Variants in IGF1R observed in about 807,000 individuals in gnomAD.
The protein encoded by IGF1R is insulin-like growth factor 1 receptor.
A neutral mutation model predicts 144.6 loss-of-function variants in IGF1R; 44 were observed. The ratio of observed to expected loss-of-function variants is 0.30; its 90% CI spans 0.24 to 0.39. The LOEUF (loss-of-function observed/expected upper bound fraction) is 0.39. Among genes scored for constraint, IGF1R ranks in the 10% least tolerant of loss-of-function variants. The probability of loss-of-function intolerance (pLI) is 1.00; values close to 1 mark genes in which losing one functional copy is unlikely to be tolerated. For synonymous variants in IGF1R, 795 were observed against 722.8 expected, an observed-to-expected ratio of 1.10 and a Z score of -1.60; for missense variants, 1,355 against 1,833.7, an observed-to-expected ratio of 0.74 and a Z score of 4.77.
At chr15:98,733,316 G>T (rs2054537390) in intron 2 of IGF1R, among the ~76,000 whole-genome samples, 3 of 152,060 alleles carry the variant, frequency 2.0e-5, no homozygotes, top group Admixed American at 2.0e-4. Context: ...CTGCCTCTGG[G>T]CTCAAGTGAT....
intron 1 of IGF1R, among the ~76,000 whole-genome samples, chr15:98,675,203 G>C (rs1479869099): frequency 6.6e-6 from 1 of 151,988 alleles, no homozygotes; most frequent in Non-Finnish European, 1.5e-5. Context: ...TGGCCAGGCT[G>C]GTCTCAAACT....
chr15:98,810,891 C>T (rs1487427541), intron 2 of IGF1R, among the ~76,000 whole-genome samples: 1 of 152,030 alleles, frequency 6.6e-6, no homozygotes, highest in East Asian at 1.9e-4. Flanking sequence ...TGGCAAACTA[C>T]AGCCCATGCT....
intron 2 of IGF1R, among the ~76,000 whole-genome samples, chr15:98,874,148 T>C (rs1417216746): frequency 1.3e-5 from 2 of 152,122 alleles, no homozygotes; most frequent in Admixed American, 1.3e-4. Context: ...AAATGTATCT[T>C]TGGTGGCCCG....
intron 2 of IGF1R, among the ~76,000 whole-genome samples, chr15:98,816,259 T>G (rs1022076217): frequency 1.3e-5 from 2 of 152,204 alleles, no homozygotes; most frequent in Non-Finnish European, 2.9e-5. Context: ...TTCCCATCAA[T>G]AACTACAAGA....
chr15:98,651,580 ACAG>A (rs977239073), intron 1 of IGF1R, among the ~76,000 whole-genome samples: 4 of 152,232 alleles, frequency 2.6e-5, no homozygotes, highest in Admixed American at 6.5e-5. Flanking sequence ...GAAATTCAAA[ACAG>A]CAGGGATGGC....
chr15:98,701,821 T>C (rs2053740429), intron 1 of IGF1R, among the ~76,000 whole-genome samples: 1 of 152,202 alleles, frequency 6.6e-6, no homozygotes, highest in African/African-American at 2.4e-5. Context: ...AATAGATCAG[T>C]ATTTCCATTA....
At chr15:98,666,331 A>G (rs1353904429) in intron 1 of IGF1R, among the ~76,000 whole-genome samples, 2 of 152,080 alleles carry the variant, frequency 1.3e-5, no homozygotes, top group African/African-American at 2.4e-5. Context: ...TGCTTCCTCA[A>G]TAAATTCATC....
intron 10 of IGF1R, among the ~76,000 whole-genome samples, chr15:98,920,682 C>A (rs1347309195): frequency 6.6e-6 from 1 of 152,170 alleles, no homozygotes. Flanking sequence ...TACCCTTCCT[C>A]CCCCAGTATT....
chr15:98,922,506 G>A (rs551468795), intron 11 of IGF1R, 75 bp downstream of exon 11: 1 of 1,540,316 alleles, frequency 6.5e-7, no homozygotes, highest in African/African-American at 1.4e-5. Context: ...TATGGACACA[G>A]GGTCTGACAC....
intron 18 of IGF1R, among the ~76,000 whole-genome samples, chr15:98,941,618 T>C (rs1243402101): frequency 3.3e-5 from 5 of 152,344 alleles, no homozygotes; most frequent in African/African-American, 1.2e-4. Flanking sequence ...TCACACTTCA[T>C]TTTTATTCTT....
intron 2 of IGF1R, among the ~76,000 whole-genome samples, chr15:98,883,176 A>C (rs922970264): frequency 4.6e-5 from 7 of 152,238 alleles, no homozygotes; most frequent in African/African-American, 1.7e-4. Flanking sequence ...TTTAAGACAC[A>C]GCGCTTGCCA....
At chr15:98,715,175 C>G (rs2054085229) in intron 2 of IGF1R, among the ~76,000 whole-genome samples, 1 of 152,224 alleles carries the variant, frequency 6.6e-6, no homozygotes, top group Non-Finnish European at 1.5e-5. Flanking sequence ...ACATTCTCTT[C>G]TGCCTGATTG....
chr15:98,762,729 A>G (rs997472870), intron 2 of IGF1R, among the ~76,000 whole-genome samples: 1 of 152,058 alleles, frequency 6.6e-6, no homozygotes, highest in African/African-American at 2.4e-5. Context: ...TCTGTCTCCA[A>G]ACAAAACAAA....
intron 2 of IGF1R, among the ~76,000 whole-genome samples, chr15:98,751,606 T>C (rs1361368754): frequency 1.3e-5 from 2 of 152,192 alleles, no homozygotes; most frequent in Non-Finnish European, 2.9e-5. Flanking sequence ...TGCAGCAAAC[T>C]CTGTTGTACT....
chr15:98,796,248 A>C (rs1395140861), intron 2 of IGF1R, among the ~76,000 whole-genome samples: 2 of 152,086 alleles, frequency 1.3e-5, no homozygotes, highest in Non-Finnish European at 2.9e-5. Context: ...GAGGGTCCAG[A>C]AAGTAATACA....
intron 2 of IGF1R, among the ~76,000 whole-genome samples, chr15:98,776,474 C>G (rs940228691): frequency 6.6e-6 from 1 of 152,242 alleles, no homozygotes; most frequent in African/African-American, 2.4e-5. Flanking sequence ...GTGTGAGCCA[C>G]TGCGCCCAGC....
At chr15:98,839,920 G>GT (rs2011145685) in intron 2 of IGF1R, among the ~76,000 whole-genome samples, 1 of 152,180 alleles carries the variant, frequency 6.6e-6, no homozygotes, top group Non-Finnish European at 1.5e-5. Context: ...TAATTTGCCT[G>GT]TTGTCATTTT....
At position 98,957,605 on chromosome 15, in the gene IGF1R, A is replaced by T. The variant is rs1338963798; in HGVS notation, c.*163A>T. The T allele has an allele frequency of 1.2e-6, 1 of 802,128 alleles. No homozygotes were observed. Among genetic ancestry groups the T allele is most frequent in the Non-Finnish European group, 2.0e-6 (1 of 502,618 alleles). The allele number at this position is 802,128 out of a possible 1,614,324, so 49.7% of individuals were successfully genotyped here. A position where few individuals can be genotyped will look rare whatever the true frequency, so the allele number is the denominator to read the frequency against. On this transcript the variant is annotated 3_prime_UTR_variant, in exon 21 of 21. Coordinates refer to ENST00000650285, the MANE Select transcript of IGF1R (RefSeq NM_000875.5). ...GGAGACAGCTTCTCTGCAGTAAAACACATTTGGGATGTTCCTTTTTTCAAT... is the reference window on the plus strand; with the variant it reads ...GGAGACAGCTTCTCTGCAGTAAAACTCATTTGGGATGTTCCTTTTTTCAAT...
intron 2 of IGF1R, among the ~76,000 whole-genome samples, chr15:98,790,060 G>A (rs1300453581): frequency 1.3e-5 from 2 of 152,184 alleles, no homozygotes; most frequent in Non-Finnish European, 2.9e-5. Flanking sequence ...AGGAAGCTCT[G>A]TTCAAGTGGC....
Sources: allele counts gnomAD v4.1 joint callset (sites outside exome capture counted in the v4.1 genomes callset), GRCh38; gene constraint gnomAD v4.1.1; transcripts MANE v1.5; gene names NCBI Gene and HGNC (gene_info 2026-07-23, HGNC 2026-07-21).